FRMPD1: variants seen among roughly 807,000 people sequenced by gnomAD.
FRMPD1 encodes FERM and PDZ domain-containing protein 1.
A neutral mutation model predicts 117.8 loss-of-function variants in FRMPD1; 76 were observed. The ratio of observed to expected loss-of-function variants is 0.65; its 90% CI spans 0.54 to 0.78. The LOEUF is 0.78. Among genes scored for constraint, FRMPD1 ranks in the 30% least tolerant of loss-of-function variants. The pLI is 0.00. For synonymous variants in FRMPD1, 783 were observed against 770.4 expected (o/e 1.02, Z -0.27); for missense variants, 1,786 against 1,964.5 (o/e 0.91, Z 1.72).
intron 1 of FRMPD1, among the ~76,000 whole-genome samples, chr9:37,667,061 G>GTTTTTTTTTTTT (rs1563923428): frequency 3.7e-4 from 25 of 66,978 alleles, no homozygotes; most frequent in African/African-American, 4.7e-4. Flanking sequence ...ATTGAAGCAT[G>GTTTTTTTTTTTT]CTTTTTTTTT....
chr9:37,700,335 T>C (rs947786569), intron 2 of FRMPD1, among the ~76,000 whole-genome samples: 3 of 152,238 alleles, frequency 2.0e-5, no homozygotes, highest in African/African-American at 7.2e-5. Context: ...ATTCCTATGA[T>C]TGTGATTACA....
In FRMPD1 at chr9:37,733,528, G is replaced by C; in HGVS notation, c.1051G>C (p.Gly351Arg). ...TCCAACTTTACTCCGAAACATGAAA[G>C]GCAAAGACATCAAGAAAGCCATTAG... ...ISPTLLRNMK[G>R]KDIKKAISFH... Residue 351 changes from glycine (G) to arginine (R), a missense_variant, in exon 11 of 16, where the codon GGC becomes CGC. Gly to Arg is a moderately radical substitution (Grantham distance 125). Transcript: ENST00000377765. The C allele has an allele frequency of 9.3e-6, 15 of 1,613,676 alleles. No individual in the cohort carries two copies. The highest frequency in any genetic ancestry group is 1.3e-5 in the Non-Finnish European group (15 of 1,179,620).
the FRMPD1 span, among the ~76,000 whole-genome samples, chr9:37,623,319 C>T: frequency 6.6e-6 from 1 of 152,122 alleles, no homozygotes; most frequent in African/African-American, 2.4e-5. Flanking sequence ...ACAAAGATAA[C>T]TGTATGTATT....
At chr9:37,603,839 C>T in the FRMPD1 span, among the ~76,000 whole-genome samples, 509 of 152,152 alleles carry the variant, frequency 3.3e-3, 3 homozygotes, top group African/African-American at 0.012. Flanking sequence ...CCACCACGCC[C>T]GGCTAATTTT....
At chr9:37,728,061 A>G (rs1823693304) in intron 7 of FRMPD1, 1 of 152,240 alleles carries the variant, frequency 6.6e-6, no homozygotes, top group African/African-American at 2.4e-5. Flanking sequence ...GCAAGAAAAC[A>G]GAGATTAGCA....
chr9:37,608,531 G>A, the FRMPD1 span, among the ~76,000 whole-genome samples: 1 of 150,290 alleles, frequency 6.7e-6, no homozygotes, highest in African/African-American at 2.5e-5. Flanking sequence ...GGGGAGGGTA[G>A]TTGGTCTCAC....
chr9:37,736,560 G>A (rs1363464449), intron 13 of FRMPD1, among the ~76,000 whole-genome samples: 1 of 150,200 alleles, frequency 6.7e-6, no homozygotes, highest in Non-Finnish European at 1.5e-5. Context: ...GGTAACTAGT[G>A]CAGGGTACCT....
intron 1 of FRMPD1, among the ~76,000 whole-genome samples, chr9:37,678,365 A>G (rs112608279): frequency 0.013 from 1,920 of 142,726 alleles, 48 homozygotes; most frequent in African/African-American, 0.047. Flanking sequence ...GGTTCAAGTG[A>G]TTCTCCTTCC....
At chr9:37,607,523 T>C in the FRMPD1 span, among the ~76,000 whole-genome samples, 1 of 152,222 alleles carries the variant, frequency 6.6e-6, no homozygotes, top group Non-Finnish European at 1.5e-5. Flanking sequence ...ACCTGTATCC[T>C]TGTGGTTGTG....
At chr9:37,685,364 C>T (rs1821883285) in intron 1 of FRMPD1, among the ~76,000 whole-genome samples, 3 of 152,204 alleles carry the variant, frequency 2.0e-5, no homozygotes, top group Admixed American at 2.0e-4. Flanking sequence ...TGCCTTTCGG[C>T]TGGGCGCAGT....
At chr9:37,736,578 C>A (rs1485048764) in intron 13 of FRMPD1, among the ~76,000 whole-genome samples, 2 of 151,614 alleles carry the variant, frequency 1.3e-5, no homozygotes, top group African/African-American at 4.8e-5. Flanking sequence ...CCTCCTGAGC[C>A]TCTCTCAAAG....
At position 37,709,325 on chromosome 9, in the gene FRMPD1, A is replaced by T. The variant is rs182653870; in HGVS notation, c.362+824A>T. Among the ~76,000 whole-genome samples the T allele has an allele frequency of 4.4e-3, 666 of 150,656 alleles. 4 individuals carry two copies. The highest frequency in any genetic ancestry group is 0.016 in the African/African-American group (648 of 41,130). ...GTTTGTGATTTTTCATGAATGGCTGATCTGGCTTTGGGGTGGTATTAATTG... is the reference window on the plus strand; with the variant it reads ...GTTTGTGATTTTTCATGAATGGCTGTTCTGGCTTTGGGGTGGTATTAATTG... On this transcript the variant is annotated intron_variant, in intron 4 of 15. Transcript: ENST00000377765.
upstream of FRMPD1, chr9:37,650,950 C>T (rs977189614): frequency 2.0e-5 from 3 of 150,810 alleles, no homozygotes; most frequent in Admixed American, 6.6e-5. Context: ...AGCCTCGGCG[C>T]GGGAGGCGGA....
intron 1 of FRMPD1, among the ~76,000 whole-genome samples, chr9:37,675,548 G>T (rs1821498682): frequency 6.6e-6 from 1 of 152,170 alleles, no homozygotes; most frequent in Non-Finnish European, 1.5e-5. Context: ...GGTTGGATAT[G>T]GGGGGAGGGT....
At chr9:37,717,341 A>ATG (rs59852335) in intron 5 of FRMPD1, among the ~76,000 whole-genome samples, 383 of 120,160 alleles carry the variant, frequency 3.2e-3, no homozygotes, top group Admixed American at 6.6e-3. Flanking sequence ...ATGTGTATAT[A>ATG]TGTGTGTGTG....
chr9:37,741,344 C>T (rs1273887959), intron 15 of FRMPD1, among the ~76,000 whole-genome samples: 2 of 151,658 alleles, frequency 1.3e-5, no homozygotes, highest in Non-Finnish European at 1.5e-5. Context: ...GGGACCCTGA[C>T]ATCAGAAGGT....
At chr9:37,625,316 G>C in the FRMPD1 span, among the ~76,000 whole-genome samples, 40 of 152,202 alleles carry the variant, frequency 2.6e-4, no homozygotes, top group Admixed American at 2.6e-3. Context: ...GGCCCTAAAT[G>C]AGATATTAGG....
intron 2 of FRMPD1, among the ~76,000 whole-genome samples, chr9:37,699,801 C>T (rs1822468651): frequency 6.6e-6 from 1 of 152,168 alleles, no homozygotes; most frequent in Non-Finnish European, 1.5e-5. Flanking sequence ...AACATACATG[C>T]ATGTCTACAC....
chr9:37,685,872 A>T (rs1350133046), intron 1 of FRMPD1, among the ~76,000 whole-genome samples: 2 of 152,130 alleles, frequency 1.3e-5, no homozygotes, highest in Non-Finnish European at 2.9e-5. Flanking sequence ...GCCTCCACTG[A>T]TGTTTTCATT....
Sources: gnomAD v4.1 joint callset for allele counts (sites outside exome capture counted in the v4.1 genomes callset) on GRCh38, gnomAD v4.1.1 for gene constraint, MANE v1.5 for transcripts, NCBI Gene and HGNC (gene_info 2026-07-23, HGNC 2026-07-21) for gene names.